Variants in EXTL3 observed in about 807,000 individuals in gnomAD.
The protein encoded by EXTL3 is exostosin-like 3.
EXTL3 carries 27 observed loss-of-function variants against 69.3 expected under a neutral mutation model. The observed-to-expected ratio is 0.39, with a 90% CI of 0.29 to 0.54. The LOEUF (loss-of-function observed/expected upper bound fraction) is 0.54, where lower values mean the gene tolerates loss of function less well. Among genes scored for constraint, EXTL3 ranks in the 20% least tolerant of loss-of-function variants. The probability of loss-of-function intolerance (pLI) is 0.69; values close to 1 mark genes in which losing one functional copy is unlikely to be tolerated. For missense variants in EXTL3, 1,003 were observed against 1,231.8 expected, an observed-to-expected ratio of 0.81 and a Z score of 2.78; for synonymous variants, 511 against 499.4, an observed-to-expected ratio of 1.02 and a Z score of -0.31.
At chr8:28,672,796 C>T (rs921014418) in intron 1 of EXTL3, among the ~76,000 whole-genome samples, 4 of 152,086 alleles carry the variant, frequency 2.6e-5, no homozygotes, top group Non-Finnish European at 5.9e-5. Flanking sequence ...GAAAGGTAAC[C>T]GATATGGTTT....
chr8:28,614,156 C>G (rs896310529), intron 2 of EXTL3, among the ~76,000 whole-genome samples: 2 of 151,810 alleles, frequency 1.3e-5, no homozygotes, highest in Non-Finnish European at 2.9e-5. Flanking sequence ...TTGATACTTT[C>G]AACAAACCAG....
chr8:28,664,829 T>C (rs1807169763), intron 1 of EXTL3, among the ~76,000 whole-genome samples: 1 of 152,184 alleles, frequency 6.6e-6, no homozygotes, highest in South Asian at 2.1e-4. Flanking sequence ...TTAGGTCTTT[T>C]TTAATTCACT....
At chr8:28,661,103 C>T (rs538064558) in intron 1 of EXTL3, among the ~76,000 whole-genome samples, 15 of 151,574 alleles carry the variant, frequency 9.9e-5, no homozygotes, top group East Asian at 5.8e-4. Flanking sequence ...TTAGTAGAGA[C>T]GGGGTTTCAT....
At chr8:28,710,613 CTT>C (rs11446791) in intron 1 of EXTL3, 11,075 of 265,544 alleles carry the variant, frequency 0.042, no homozygotes, top group South Asian at 0.068. Context: ...TTCTTTCTTT[CTT>C]TTTTTTTTTT....
rs879686584 is a variant in EXTL3 at position 28,751,198 on chromosome 8, TATG to T, written c.*335_*337del. ...GGTTTTTACATTCAATAACAACTATTATGATTATTTAAAAAGAGAAAGTTTCAG... is the reference window on the plus strand; with the variant it reads ...GGTTTTTACATTCAATAACAACTATTATTATTTAAAAAGAGAAAGTTTCAG... On this transcript the variant is annotated 3_prime_UTR_variant, in exon 7 of 7. Transcript: ENST00000220562. 1.3e-5 allele frequency: 4 copies of T among 318,910 alleles called. No individual in the cohort carries two copies. The Admixed American group carries it at 1.3e-4, about 11-fold the overall frequency. 19.8% of individuals were successfully genotyped at this position (318,910 alleles called of 1,614,324 possible).
In EXTL3 at chr8:28,717,293, T is replaced by C; in HGVS notation, c.1234T>C (p.Trp412Arg). 1 of 1,614,226 alleles carries C rather than the reference T, an allele frequency of 6.2e-7. No individual in the cohort carries two copies. Among genetic ancestry groups the C allele is most frequent in the Non-Finnish European group, 8.5e-7 (1 of 1,180,044 alleles). Residue 412 changes from tryptophan to arginine, a missense_variant, in exon 3 of 7, where the codon TGG (tryptophan) becomes CGG (arginine). By Grantham distance (101) the Trp-to-Arg change is moderately radical. This residue lies in a region of EXTL3 where 742 missense variants were observed against 815.4 expected (regional missense o/e 0.91). Coordinates refer to ENST00000220562, the MANE Select transcript of EXTL3 (RefSeq NM_001440.4). The surrounding 1 kb of genome is among the most constrained non-coding windows in gnomAD (Gnocchi z 8.3). ...NQPKPSLPTE[W>R]ALCGEREDRL... Reference sequence around the variant, plus strand: ...GCCCAAACCCAGCCTGCCGACTGAGTGGGCACTGTGTGGAGAGCGGGAGGA... The same window carrying C: ...GCCCAAACCCAGCCTGCCGACTGAGCGGGCACTGTGTGGAGAGCGGGAGGA...
At chr8:28,661,355 A>G (rs897558877) in intron 1 of EXTL3, among the ~76,000 whole-genome samples, 2 of 149,956 alleles carry the variant, frequency 1.3e-5, no homozygotes, top group African/African-American at 5.0e-5. Context: ...ATATATATAT[A>G]TACACACACA....
intron 1 of EXTL3, among the ~76,000 whole-genome samples, chr8:28,664,319 C>T (rs1029370855): frequency 2.0e-5 from 3 of 152,210 alleles, no homozygotes; most frequent in Non-Finnish European, 4.4e-5. Flanking sequence ...ATTGTGTGCC[C>T]ATGTGGCCTT....
intron 1 of EXTL3, among the ~76,000 whole-genome samples, chr8:28,653,329 ACT>A (rs1806956919): frequency 6.6e-6 from 1 of 151,962 alleles, no homozygotes; most frequent in Non-Finnish European, 1.5e-5. Context: ...TTGTGTTTTT[ACT>A]CTCTTGATAG....
In EXTL3 at chr8:28,737,570, C is replaced by G; in HGVS notation, c.2328C>G (p.His776Gln). The change falls in exon 5 of 7, where the codon CAC becomes CAG. Residue 776 changes from histidine (H) to glutamine (Q), a missense_variant. This residue lies in a region of EXTL3 where 261 missense variants were observed against 416.4 expected (regional missense o/e 0.63). Coordinates refer to ENST00000220562, the MANE Select transcript of EXTL3 (RefSeq NM_001440.4). ...DRIVGFPGRY[H>Q]AWDIPHQSWL... Reference sequence around the variant, plus strand: ...TCGTGGGCTTCCCTGGCCGTTACCACGCATGGGACATCCCCCATCAGTCCT... The same window carrying G: ...TCGTGGGCTTCCCTGGCCGTTACCAGGCATGGGACATCCCCCATCAGTCCT... The G allele has an allele frequency of 6.2e-7, 1 of 1,614,056 alleles. No individual in the cohort carries two copies. Among genetic ancestry groups the G allele is most frequent in the Non-Finnish European group, 8.5e-7 (1 of 1,179,908 alleles).
Position 28,625,997 on chromosome 8 carries a change from C to CAAAA in EXTL3, c.-53+3212_-53+3215dup, listed in dbSNP as rs67403576. Among the ~76,000 whole-genome samples, 27 of 41,128 alleles carry CAAAA rather than the reference C, an allele frequency of 6.6e-4. 5 individuals carry two copies. The highest frequency in any genetic ancestry group is 3.3e-3 in the African/African-American group (27 of 8,138). 27.0% of individuals were successfully genotyped at this position (41,128 alleles called of 152,430 possible). Reference sequence around the variant, plus strand: ...GCAATATAGTGAGACCACATTTCTCCAAAAAAAAAAAAAAAAAAAAAAAAA... The same window carrying CAAAA: ...GCAATATAGTGAGACCACATTTCTCCAAAAAAAAAAAAAAAAAAAAAAAAAAAAA... On this transcript the variant is annotated intron_variant, in intron 1 of 6. Transcript: ENST00000523149.
chr8:28,610,213 A>G lies in EXTL3; in HGVS notation n.314+2455A>G, dbSNP rs376765974. 3.5e-5 allele frequency among the ~76,000 whole-genome samples: 4 copies of G among 114,250 alleles called. No individual in the cohort carries two copies. The East Asian group carries it at 7.1e-4, about 20-fold the overall frequency. 75.0% of individuals were successfully genotyped at this position (114,250 alleles called of 152,430 possible). ...GCGAGACTCCATCTCAAAAATATGT[A>G]TATGTGTGTGTGTGTGTGTGTGTGT... On this transcript the variant is annotated intron_variant and non_coding_transcript_variant, in intron 2 of 4. Transcript: ENST00000522725.
rs572806525 is a variant in EXTL3, at chr8:28,728,925, A to G, written c.2149-2298A>G. The stretch of plus-strand genomic sequence containing the variant: ...AAAAAAAATTTAAGTTCTGTAATCA[A>G]GTAAACAAGGGATCATCAATTTCAC... On this transcript the variant is annotated intron_variant, in intron 3 of 6. Transcript: ENST00000220562. 4.3e-4 allele frequency among the ~76,000 whole-genome samples: 66 copies of G among 152,286 alleles called. 3 individuals carry two copies. In the Middle Eastern group the frequency reaches 0.01, roughly 24 times the overall value.
At chr8:28,711,433 T>A (rs1280372043) in intron 1 of EXTL3, among the ~76,000 whole-genome samples, 1 of 152,234 alleles carries the variant, frequency 6.6e-6, no homozygotes, top group Non-Finnish European at 1.5e-5. Flanking sequence ...ATTTTCCTCT[T>A]AGCACTGTTT....
intron 1 of EXTL3, among the ~76,000 whole-genome samples, chr8:28,709,658 TG>T (rs1325746254): frequency 6.6e-6 from 1 of 152,156 alleles, no homozygotes; most frequent in African/African-American, 2.4e-5. Flanking sequence ...AGATCCGCAA[TG>T]GGAAGTTTCA....
intron 1 of EXTL3, among the ~76,000 whole-genome samples, chr8:28,626,069 G>T (rs1419747354): frequency 6.7e-6 from 1 of 150,176 alleles, no homozygotes; most frequent in Non-Finnish European, 1.5e-5. Flanking sequence ...CTACTTGGGA[G>T]GCTGAGGTGT....
chr8:28,704,971 A>G (rs1275090549), intron 1 of EXTL3, among the ~76,000 whole-genome samples: 4 of 152,266 alleles, frequency 2.6e-5, no homozygotes, highest in Non-Finnish European at 5.9e-5. Context: ...TTTCTGAAGT[A>G]GAGCTGTAAA....
chr8:28,709,039 G>A (rs1242335353), intron 1 of EXTL3, among the ~76,000 whole-genome samples: 1 of 152,204 alleles, frequency 6.6e-6, no homozygotes, highest in Non-Finnish European at 1.5e-5. Context: ...AGGCATGTGT[G>A]TGTGTGCCTG....
upstream of EXTL3, among the ~76,000 whole-genome samples, chr8:28,698,830 C>T (rs528574586): frequency 6.6e-6 from 1 of 152,248 alleles, no homozygotes; most frequent in Non-Finnish European, 1.5e-5. Flanking sequence ...CCTGTCTCTA[C>T]TAAAAATACA....
Sources: allele counts gnomAD v4.1 joint callset (sites outside exome capture counted in the v4.1 genomes callset), GRCh38; gene constraint gnomAD v4.1.1; regional missense constraint gnomAD v4.1.1; non-coding constraint Gnocchi (gnomAD v3.1); transcripts MANE v1.5; gene names NCBI Gene and HGNC (gene_info 2026-07-23, HGNC 2026-07-21).